The following CELF5 variants were observed in gnomAD, a reference collection of about 807,000 sequenced individuals.
CELF5 encodes the protein CUGBP Elav-like family member 5.
A neutral mutation model predicts 54.9 loss-of-function variants in CELF5; 6 were observed. The ratio of observed to expected loss-of-function variants is 0.11; its 90% CI spans 0.06 to 0.22. CELF5 has a LOEUF of 0.22. Among genes scored for constraint, CELF5 ranks in the 10% least tolerant of loss-of-function variants. The pLI is 1.00. For synonymous variants in CELF5, 271 were observed against 290.9 expected (o/e 0.93, Z 0.70); for missense variants, 401 against 678.6 (o/e 0.59, Z 4.54).
At chr19:3,240,009 CTT>C (rs61659054) in intron 1 of CELF5, among the ~76,000 whole-genome samples, 21,999 of 143,506 alleles carry the variant, frequency 0.15, 1,814 homozygotes, top group East Asian at 0.25. Context: ...CTGCAACACA[CTT>C]TTTTTTTTTT....
chr19:3,240,416 C>T (rs996508650), intron 1 of CELF5, among the ~76,000 whole-genome samples: 2 of 151,864 alleles, frequency 1.3e-5, no homozygotes, highest in Admixed American at 6.6e-5. Context: ...ACCTCTGCCT[C>T]CCGGGTTCAA....
rs79131489 is a variant in CELF5, at chr19:3,228,157, C to T, written c.259+3159C>T. Among the ~76,000 whole-genome samples the T allele has an allele frequency of 0.041, 6,154 of 151,848 alleles. 179 individuals are homozygous for T. Among genetic ancestry groups the T allele is most frequent in the East Asian group, 0.16 (825 of 5,150 alleles). On this transcript the variant is annotated intron_variant, in intron 1 of 12. Coordinates refer to ENST00000292672, the MANE Select transcript of CELF5 (RefSeq NM_021938.4). The surrounding 1 kb of genome is among the most constrained non-coding windows in gnomAD (Gnocchi z 6.0). ...GGACACAGAGAGAGAGAGAGAGACA[C>T]GCAGGGAAAGAGAGACAGAGAGACC...
chr19:3,286,420 G>A (rs2080249121), intron 10 of CELF5: 2 of 203,524 alleles, frequency 9.8e-6, no homozygotes, highest in Admixed American at 1.2e-4. Flanking sequence ...CGATTCTGGA[G>A]TCTGACAGTC....
intron 1 of CELF5, among the ~76,000 whole-genome samples, chr19:3,249,704 C>A (rs1307729836): frequency 6.6e-6 from 1 of 152,232 alleles, no homozygotes; most frequent in African/African-American, 2.4e-5. Flanking sequence ...AGCTCCACCC[C>A]CATCCATTGG....
At chr19:3,274,011 AG>A (rs2080007898) in intron 3 of CELF5, 88 bp downstream of exon 3, 1 of 1,366,948 alleles carries the variant, frequency 7.3e-7, no homozygotes, top group Non-Finnish European at 1.0e-6. Context: ...CTCCTGCAAA[AG>A]GGGCAGTGGC....
At chr19:3,248,038 T>G (rs542135674) in intron 1 of CELF5, among the ~76,000 whole-genome samples, 89 of 152,262 alleles carry the variant, frequency 5.8e-4, no homozygotes, top group African/African-American at 2.0e-3. Context: ...GTGCTGGGAT[T>G]ACAGGTGTGC....
intron 1 of CELF5, among the ~76,000 whole-genome samples, chr19:3,246,922 G>T (rs2079574941): frequency 6.6e-6 from 1 of 152,136 alleles, no homozygotes; most frequent in Non-Finnish European, 1.5e-5. Context: ...AAAGAAGCCA[G>T]ACACAAGGGC....
Position 3,282,530 on chromosome 19 carries a change from G to A in CELF5, c.1039+32G>A, listed in dbSNP as rs915286893. ...TGGGGTCGTCCTCTGGGGCCTAGGA[G>A]AGTGGTGGGGAATAAAGATGGTGTT... is the stretch of plus-strand genomic sequence containing the variant. On this transcript the variant is annotated intron_variant, in intron 8 of 12. Transcript: ENST00000292672. This position sits in a 1 kb window ranked among gnomAD's most constrained non-coding sequence, Gnocchi z 5.2. 1 of 1,590,160 alleles carries A rather than the reference G, an allele frequency of 6.3e-7. No homozygotes were observed. Among genetic ancestry groups the A allele is most frequent in the Non-Finnish European group, 8.6e-7 (1 of 1,168,584 alleles).
At position 3,228,995 on chromosome 19, in the gene CELF5, T is replaced by A. The variant is rs113708345; in HGVS notation, c.259+3997T>A. Among the ~76,000 whole-genome samples the A allele has an allele frequency of 7.3e-4, 111 of 151,740 alleles. 1 individual carries two copies. In the East Asian group the frequency reaches 0.013, roughly 18 times the overall value. On this transcript the variant is annotated intron_variant, in intron 1 of 12. Coordinates refer to ENST00000292672, the MANE Select transcript of CELF5 (RefSeq NM_021938.4). The surrounding 1 kb of genome is among the most constrained non-coding windows in gnomAD (Gnocchi z 6.0). ...TGAGCGCGCCCCTCTCTGTGCCTCGTTTTCCCCTGCTGCATATTCTCTCCT... is the reference window on the plus strand; with the variant it reads ...TGAGCGCGCCCCTCTCTGTGCCTCGATTTCCCCTGCTGCATATTCTCTCCT...
chr19:3,263,581 A>AAC (rs1230663955), intron 2 of CELF5, among the ~76,000 whole-genome samples: 5 of 147,604 alleles, frequency 3.4e-5, no homozygotes, highest in African/African-American at 1.0e-4. Flanking sequence ...GAAACAAACA[A>AAC]ACAAACAAAT....
In CELF5 at chr19:3,281,584, C is replaced by T. The variant is rs769959465; in HGVS notation, c.750+239C>T. ...CCGAGCCCCAGAACCTGGCTATGCT[C>T]CACGTCTAAATTAGGCCCAATTCTG... is the stretch of plus-strand genomic sequence containing the variant. On this transcript the variant is annotated intron_variant, in intron 6 of 12. Coordinates refer to ENST00000292672, the MANE Select transcript of CELF5 (RefSeq NM_021938.4). This position sits in a 1 kb window ranked among gnomAD's most constrained non-coding sequence, Gnocchi z 6.5. 6.6e-6 allele frequency among the ~76,000 whole-genome samples: 1 copy of T among 152,150 alleles called. No individual in the cohort carries two copies. The highest frequency in any genetic ancestry group is 2.4e-5 in the African/African-American group (1 of 41,428).
chr19:3,264,497 G>C (rs2079853064), intron 2 of CELF5, among the ~76,000 whole-genome samples: 4 of 149,008 alleles, frequency 2.7e-5, no homozygotes, highest in African/African-American at 7.5e-5. Context: ...CTCACTGCAA[G>C]CTTGGCCTCC....
At chr19:3,260,211 G>A (rs560532229) in intron 2 of CELF5, among the ~76,000 whole-genome samples, 11 of 152,136 alleles carry the variant, frequency 7.2e-5, no homozygotes, top group African/African-American at 2.7e-4. Context: ...CCACGTCCCG[G>A]GTTCAAGCAA....
In CELF5 at chr19:3,275,455, C is replaced by CAGAG. The variant is rs1170972356; in HGVS notation, c.395-398_395-397insGAGA. On this transcript the variant is annotated intron_variant, in intron 3 of 12. Coordinates refer to ENST00000292672, the MANE Select transcript of CELF5 (RefSeq NM_021938.4). The surrounding 1 kb of genome is among the most constrained non-coding windows in gnomAD (Gnocchi z 6.7). The stretch of plus-strand genomic sequence containing the variant: ...TCCGGGGAGCAGACAGAAAGACAGA[C>CAGAG]AGACAGACAGACAGGGACCCAGGCC... 6.6e-6 allele frequency among the ~76,000 whole-genome samples: 1 copy of CAGAG among 152,236 alleles called. No homozygotes were observed. Among genetic ancestry groups the CAGAG allele is most frequent in the Non-Finnish European group, 1.5e-5 (1 of 68,046 alleles).
intron 1 of CELF5, among the ~76,000 whole-genome samples, chr19:3,237,229 G>A (rs1312943330): frequency 1.4e-5 from 2 of 141,638 alleles, no homozygotes; most frequent in East Asian, 2.2e-4. Flanking sequence ...GGAGAATGGC[G>A]TGAACCTGGG....
chr19:3,268,723 C>T lies in CELF5; in HGVS notation c.343-5149C>T, dbSNP rs1288348898. Among the ~76,000 whole-genome samples the T allele has an allele frequency of 6.6e-6, 1 of 152,102 alleles. No homozygotes were observed. Among genetic ancestry groups the T allele is most frequent in the East Asian group, 1.9e-4 (1 of 5,184 alleles). The stretch of plus-strand genomic sequence containing the variant: ...CCCCTGCCTCCCACCGGAGCTACCC[C>T]AAGTGAGGGGCAGTGTGTGTGTTTA... On this transcript the variant is annotated intron_variant, in intron 2 of 12. Transcript: ENST00000292672. The surrounding 1 kb of genome is among the most constrained non-coding windows in gnomAD (Gnocchi z 4.4).
chr19:3,293,494 G>T lies in CELF5; in HGVS notation c.*40+8G>T. 6.3e-7 allele frequency: 1 copy of T among 1,596,804 alleles called. No homozygotes were observed. The highest frequency in any genetic ancestry group is 8.5e-7 in the Non-Finnish European group (1 of 1,170,116). Reference sequence around the variant, plus strand: ...GCTGTAGGCATGGCCCAGGTGAGCCGCCAGGCGGCCCCACCCCCGCCCAAG... The same window carrying T: ...GCTGTAGGCATGGCCCAGGTGAGCCTCCAGGCGGCCCCACCCCCGCCCAAG... On this transcript the variant is annotated splice_region_variant and intron_variant, in intron 12 of 12. Coordinates refer to ENST00000292672, the MANE Select transcript of CELF5 (RefSeq NM_021938.4).
At chr19:3,256,064 C>CAGAAAAAAAAAAAAAAAAAAAAAAA (rs372488135) in intron 2 of CELF5, among the ~76,000 whole-genome samples, 1 of 139,552 alleles carries the variant, frequency 7.2e-6, no homozygotes, top group Non-Finnish European at 1.5e-5. Context: ...GACCCTGTCT[C>CAGAAAAAAAAAAAAAAAAAAAAAAA]AAAAAAAAAG....
In CELF5 at chr19:3,234,346, G is replaced by A. The variant is rs112115424; in HGVS notation, c.259+9348G>A. ...ACTCCTGGGCTCAAGCAATCTTCCC[G>A]CCTTGGCCTCCCAAAGCATTGAGAT... On this transcript the variant is annotated intron_variant, in intron 1 of 12. Transcript: ENST00000292672. Among the ~76,000 whole-genome samples, 181 of 152,128 alleles carry A rather than the reference G, an allele frequency of 1.2e-3. 1 individual carries two copies. The highest frequency in any genetic ancestry group is 1.5e-3 in the East Asian group (8 of 5,174).
Sources: gnomAD v4.1 joint callset for allele counts (sites outside exome capture counted in the v4.1 genomes callset) on GRCh38, gnomAD v4.1.1 for gene constraint, Gnocchi (gnomAD v3.1) non-coding constraint, MANE v1.5 for transcripts, NCBI Gene and HGNC (gene_info 2026-07-23, HGNC 2026-07-21) for gene names.